ALK: variants seen among roughly 807,000 people sequenced by gnomAD.
ALK encodes ALK receptor tyrosine kinase, also known as ALK tyrosine kinase receptor.
In ALK, 74 loss-of-function variants were observed where a neutral mutation model predicts 163.1. The observed-to-expected ratio is 0.45, with a 90% CI of 0.38 to 0.55. ALK has a LOEUF of 0.55. Ranked by LOEUF, ALK falls within the 20% of genes least tolerant of loss-of-function variation. The pLI, the probability that ALK is intolerant of heterozygous loss-of-function variation, is 0.00. For synonymous variants in ALK, 960 were observed against 843.2 expected, an observed-to-expected ratio of 1.14 and a Z score of -2.40; for missense variants, 2,063 against 2,105.3, an observed-to-expected ratio of 0.98 and a Z score of 0.39.
In ALK at chr2:29,828,692, T is replaced by C. The variant is rs531727813; in HGVS notation, c.667+91301A>G. Among the ~76,000 whole-genome samples, 100 of 152,190 alleles carry C rather than the reference T, an allele frequency of 6.6e-4. 1 individual carries two copies. Among genetic ancestry groups the C allele is most frequent in the African/African-American group, 2.2e-3 (92 of 41,514 alleles). On this transcript the variant is annotated intron_variant, in intron 1 of 28. Coordinates refer to ENST00000389048, the MANE Select transcript of ALK (RefSeq NM_004304.5). ...AGGTGCTGGAGAGGATGTGGAGAAA[T>C]AGGAACACTTTTACACTGTTGGTGG...
At chr2:29,456,285 C>T (rs1427832704) in intron 4 of ALK, among the ~76,000 whole-genome samples, 1 of 151,892 alleles carries the variant, frequency 6.6e-6, no homozygotes, top group Non-Finnish European at 1.5e-5. Flanking sequence ...TCATGGCAGC[C>T]AAAGTAGCCA....
chr2:29,202,062 G>T (rs1311566263), intron 26 of ALK, among the ~76,000 whole-genome samples: 1 of 152,114 alleles, frequency 6.6e-6, no homozygotes, highest in East Asian at 1.9e-4. Context: ...GGCCGTCTGT[G>T]TTCTGACCCA....
rs79758035 is a variant in ALK at position 29,326,522 on chromosome 2, C to T, written c.1414+1828G>A. ...AAATAAATAGAGACACACACACAGG[C>T]CCCTGAACAGGGCACTGTGGGCAGG... On this transcript the variant is annotated intron_variant, in intron 6 of 28. Transcript: ENST00000389048. 2.1e-4 allele frequency among the ~76,000 whole-genome samples: 32 copies of T among 152,086 alleles called. 1 individual carries two copies. In the East Asian group the frequency reaches 6.0e-3, roughly 28 times the overall value.
At chr2:29,247,551 C>T (rs1664713725) in intron 12 of ALK, among the ~76,000 whole-genome samples, 1 of 152,246 alleles carries the variant, frequency 6.6e-6, no homozygotes, top group Non-Finnish European at 1.5e-5. Context: ...CACCCCCTTC[C>T]TCTCCCTCTT....
At chr2:29,216,862 G>A in intron 23 of ALK, among the ~76,000 whole-genome samples, 1 of 150,716 alleles carries the variant, frequency 6.6e-6, no homozygotes. Flanking sequence ...TGTGTTGTAT[G>A]TGTGTGGTGT....
chr2:29,782,172 G>C (rs1444059251), intron 1 of ALK, among the ~76,000 whole-genome samples: 1 of 152,176 alleles, frequency 6.6e-6, no homozygotes, highest in Non-Finnish European at 1.5e-5. Context: ...AGAGTCTTAA[G>C]TAAGAGATTT....
chr2:29,679,565 A>C (rs1677999793), intron 3 of ALK, among the ~76,000 whole-genome samples: 1 of 151,944 alleles, frequency 6.6e-6, no homozygotes, highest in South Asian at 2.1e-4. Flanking sequence ...GATTAATATT[A>C]CCTAATTTTA....
At chr2:29,266,442 CAT>C (rs1422205806) in intron 11 of ALK, among the ~76,000 whole-genome samples, 1 of 152,178 alleles carries the variant, frequency 6.6e-6, no homozygotes, top group African/African-American at 2.4e-5. Flanking sequence ...GAAGGCAACA[CAT>C]GAGGGGTGAG....
At chr2:29,251,052 GGCT>G in intron 12 of ALK, 50 bp downstream of exon 12, 1 of 1,590,152 alleles carries the variant, frequency 6.3e-7, no homozygotes. Context: ...CAAGACTCCA[GGCT>G]TCTTCGGAAG....
At chr2:29,479,284 G>T (rs1294072491) in intron 4 of ALK, among the ~76,000 whole-genome samples, 2 of 152,206 alleles carry the variant, frequency 1.3e-5, no homozygotes, top group Non-Finnish European at 2.9e-5. Flanking sequence ...GATAGTAGTA[G>T]GTTCTGAGAC....
chr2:29,434,714 G>C (rs1269624182), intron 4 of ALK, among the ~76,000 whole-genome samples: 2 of 152,122 alleles, frequency 1.3e-5, no homozygotes, highest in African/African-American at 4.8e-5. Flanking sequence ...CACCAACAAA[G>C]GAAAGGCATT....
At chr2:29,508,697 AAAAAAAAAACCC>A (rs1215782112) in intron 4 of ALK, among the ~76,000 whole-genome samples, 3 of 13,064 alleles carry the variant, frequency 2.3e-4, no homozygotes, top group South Asian at 5.3e-3. Context: ...AGAGTATAAT[AAAAAAAAAACCC>A]AAAAAAATCC....
intron 5 of ALK, among the ~76,000 whole-genome samples, chr2:29,342,877 C>CTTTT (rs57838065): frequency 6.9e-4 from 62 of 90,428 alleles, no homozygotes; most frequent in Non-Finnish European, 9.4e-4. Flanking sequence ...GCTCAGTGAT[C>CTTTT]TTTTTTTTTT....
intron 3 of ALK, among the ~76,000 whole-genome samples, chr2:29,679,782 A>G (rs1678006856): frequency 1.3e-5 from 2 of 151,944 alleles, no homozygotes; most frequent in Admixed American, 6.6e-5. Flanking sequence ...TACTATTTCT[A>G]GTACTCTTCA....
At chr2:29,675,023 C>T (rs1175999695) in intron 3 of ALK, among the ~76,000 whole-genome samples, 1 of 150,656 alleles carries the variant, frequency 6.6e-6, no homozygotes, top group East Asian at 1.9e-4. Context: ...TGGTGATATC[C>T]CCTTTATCAT....
intron 4 of ALK, among the ~76,000 whole-genome samples, chr2:29,470,016 A>G (rs1671311541): frequency 1.3e-5 from 2 of 152,244 alleles, no homozygotes; most frequent in Admixed American, 1.3e-4. Context: ...CAGATGAGCA[A>G]TAAAGAATTT....
rs748822593 is a variant in ALK, at chr2:29,193,301, C to T, written c.4786G>A (p.Ala1596Thr). Reference protein sequence around the residue: ...YQQQGLPLEAATAPGAGHYED... With the variant: ...YQQQGLPLEATTAPGAGHYED... Reference sequence around the variant, plus strand: ...TAATGACCAGCTCCAGGGGCAGTAGCGGCTTCTAAGGGCAAGCCCTGTTGC... The same window carrying T: ...TAATGACCAGCTCCAGGGGCAGTAGTGGCTTCTAAGGGCAAGCCCTGTTGC... Residue 1596 changes from alanine (A) to threonine (T), a missense_variant, in exon 29 of 29, where the codon GCT becomes ACT. This residue lies in a region of ALK where 403 missense variants were observed against 366.2 expected (regional missense o/e 1.10). Coordinates refer to ENST00000389048, the MANE Select transcript of ALK (RefSeq NM_004304.5). 2.5e-6 allele frequency: 4 copies of T among 1,614,022 alleles called. No individual in the cohort carries two copies. The highest frequency in any genetic ancestry group is 1.1e-5 in the South Asian group (1 of 91,094).
chr2:29,518,168 A>C, intron 4 of ALK, among the ~76,000 whole-genome samples: 1 of 152,318 alleles, frequency 6.6e-6, no homozygotes, highest in East Asian at 1.9e-4. Flanking sequence ...TAAATAACGC[A>C]TCTAAATGTT....
intron 3 of ALK, among the ~76,000 whole-genome samples, chr2:29,542,105 C>A (rs757821905): frequency 6.6e-6 from 1 of 152,170 alleles, no homozygotes; most frequent in Non-Finnish European, 1.5e-5. Context: ...TGTGCTTTTT[C>A]TCCAATTAAT....
Sources: gnomAD v4.1 joint callset for allele counts (sites outside exome capture counted in the v4.1 genomes callset) on GRCh38, gnomAD v4.1.1 for gene constraint, gnomAD v4.1.1 regional missense constraint, MANE v1.5 for transcripts, NCBI Gene and HGNC (gene_info 2026-07-23, HGNC 2026-07-21) for gene names.